The following KAZN variants were observed in gnomAD, a reference collection of about 807,000 sequenced individuals.
KAZN encodes the protein kazrin, periplakin interacting protein.
In KAZN, 40 loss-of-function variants were observed where a neutral mutation model predicts 87.4. That is an observed-to-expected ratio of 0.46 (90% CI 0.36 to 0.60). The LOEUF (loss-of-function observed/expected upper bound fraction) is 0.60. KAZN is among the 20% of genes least tolerant of loss of function. The pLI, the probability that KAZN is intolerant of heterozygous loss-of-function variation, is 0.00. For synonymous variants in KAZN, 466 were observed against 458.3 expected, an observed-to-expected ratio of 1.02 and a Z score of -0.22; for missense variants, 898 against 1,073.9, an observed-to-expected ratio of 0.84 and a Z score of 2.29.
chr1:14,765,551 T>C (rs142255225), intron 1 of KAZN, among the ~76,000 whole-genome samples: 2,295 of 152,196 alleles, frequency 0.015, 29 homozygotes, highest in South Asian at 0.065. Context: ...GGTGTGCAGA[T>C]GTATTGGGAG....
chr1:14,598,562 G>C, upstream of KAZN: 3 of 619,770 alleles, frequency 4.8e-6, no homozygotes, highest in Non-Finnish European at 6.1e-6. The surrounding 1 kb of genome is among the most constrained non-coding windows in gnomAD (Gnocchi z 4.2). Flanking sequence ...CCCGGGGGGT[G>C]TGTCTCCGAA....
intron 2 of KAZN, among the ~76,000 whole-genome samples, chr1:14,453,235 G>T (rs144615086): frequency 2.0e-5 from 3 of 152,102 alleles, no homozygotes; most frequent in East Asian, 2.0e-4. Context: ...GATTACAGGC[G>T]TGAGCCACCG....
intron 1 of KAZN, among the ~76,000 whole-genome samples, chr1:14,849,716 A>T (rs1649205724): frequency 6.6e-6 from 1 of 152,224 alleles, no homozygotes; most frequent in South Asian, 2.1e-4. Context: ...TTGATCCCAG[A>T]GGGCATTCGC....
chr1:14,984,293 C>G (rs1666552877), intron 2 of KAZN, among the ~76,000 whole-genome samples: 1 of 152,050 alleles, frequency 6.6e-6, no homozygotes, highest in Admixed American at 6.6e-5. Flanking sequence ...ATGAGAATCA[C>G]TTGAACCCAG....
intron 2 of KAZN, among the ~76,000 whole-genome samples, chr1:14,502,468 G>C (rs1416959147): frequency 6.6e-6 from 1 of 152,054 alleles, no homozygotes; most frequent in Non-Finnish European, 1.5e-5. Context: ...GGTTTTTTTA[G>C]GTCATCTCTT....
At chr1:14,689,378 C>T (rs2148780284) in intron 1 of KAZN, among the ~76,000 whole-genome samples, 1 of 152,236 alleles carries the variant, frequency 6.6e-6, no homozygotes, top group Non-Finnish European at 1.5e-5. Flanking sequence ...GGTCTTTCTC[C>T]CATTCGCTCC....
At chr1:15,067,539 C>A (rs994584640) in intron 8 of KAZN, 14 of 985,458 alleles carry the variant, frequency 1.4e-5, no homozygotes, top group Non-Finnish European at 1.7e-5. Context: ...TCAACCCACA[C>A]CTCTAGACAA....
At chr1:14,205,002 G>A (rs752857179) in intron 2 of KAZN, among the ~76,000 whole-genome samples, 9 of 152,230 alleles carry the variant, frequency 5.9e-5, no homozygotes, top group Non-Finnish European at 8.8e-5. Context: ...TTTCCTGGAA[G>A]TCCAAGACAT....
intron 2 of KAZN, among the ~76,000 whole-genome samples, chr1:14,202,515 T>G (rs903780756): frequency 6.6e-6 from 1 of 152,044 alleles, no homozygotes; most frequent in Non-Finnish European, 1.5e-5. Context: ...AGAGCAGGGA[T>G]GGTGTGGGGA....
chr1:14,021,064 C>G (rs779361526), intron 1 of KAZN, among the ~76,000 whole-genome samples: 12 of 152,188 alleles, frequency 7.9e-5, no homozygotes, highest in Non-Finnish European at 1.5e-4. Context: ...GGTTTCTCAC[C>G]ATTTTAACCT....
intron 1 of KAZN, among the ~76,000 whole-genome samples, chr1:14,711,032 T>G (rs904507791): frequency 1.3e-5 from 2 of 149,876 alleles, no homozygotes; most frequent in Admixed American, 1.3e-4. Flanking sequence ...ACAAAAAAAT[T>G]AAAAAACAAA....
At chr1:14,493,492 G>A (rs1403565007) in intron 2 of KAZN, among the ~76,000 whole-genome samples, 2 of 151,208 alleles carry the variant, frequency 1.3e-5, no homozygotes, top group Non-Finnish European at 3.0e-5. Context: ...AAGATGGGGT[G>A]GGGAAAGAAG....
At chr1:14,060,317 C>T (rs191411304) in intron 1 of KAZN, among the ~76,000 whole-genome samples, 5 of 145,280 alleles carry the variant, frequency 3.4e-5, no homozygotes, top group African/African-American at 1.0e-4. Context: ...GAGCCGAGAT[C>T]GCGCCACTGC....
chr1:15,104,704 C>G (rs187058453), intron 13 of KAZN, among the ~76,000 whole-genome samples: 288 of 152,294 alleles, frequency 1.9e-3, no homozygotes, highest in Non-Finnish European at 3.3e-3. Flanking sequence ...AACACCTGGG[C>G]ATAAACCAGT....
At chr1:14,989,090 C>T (rs1667106393) in intron 2 of KAZN, among the ~76,000 whole-genome samples, 1 of 152,212 alleles carries the variant, frequency 6.6e-6, no homozygotes, top group Admixed American at 6.5e-5. Context: ...TTCCTGGAGC[C>T]TCATGTACCT....
intron 13 of KAZN, among the ~76,000 whole-genome samples, chr1:15,107,599 G>A (rs1390388802): frequency 6.6e-6 from 1 of 152,168 alleles, no homozygotes; most frequent in South Asian, 2.1e-4. Flanking sequence ...AGAGTTGATG[G>A]CAAGATGAGA....
At chr1:14,695,527 A>ATTTTTTTTTTTTTTTTTT (rs1641553132) in intron 1 of KAZN, among the ~76,000 whole-genome samples, 1 of 36,822 alleles carries the variant, frequency 2.7e-5, no homozygotes, top group East Asian at 8.0e-4. Flanking sequence ...TTTTTTTTTG[A>ATTTTTTTTTTTTTTTTTT]TGGAGTCTTG....
intron 2 of KAZN, among the ~76,000 whole-genome samples, chr1:14,397,684 C>T (rs1663015297): frequency 6.6e-6 from 1 of 151,780 alleles, no homozygotes; most frequent in Admixed American, 6.6e-5. Context: ...TGGTGAAACC[C>T]CATCTCTACT....
intron 1 of KAZN, among the ~76,000 whole-genome samples, chr1:14,138,644 G>C (rs1362465661): frequency 6.6e-6 from 1 of 152,190 alleles, no homozygotes; most frequent in Admixed American, 6.5e-5. Context: ...AAGATATCAG[G>C]TAGGCAATGG....
Sources: gnomAD v4.1 joint callset for allele counts (sites outside exome capture counted in the v4.1 genomes callset) on GRCh38, gnomAD v4.1.1 for gene constraint, Gnocchi (gnomAD v3.1) non-coding constraint, MANE v1.5 for transcripts, NCBI Gene and HGNC (gene_info 2026-07-23, HGNC 2026-07-21) for gene names.